Variants in NINL observed in about 807,000 individuals in gnomAD.
The protein encoded by NINL is ninein like.
NINL carries 153 observed loss-of-function variants against 160.3 expected under a neutral mutation model. The ratio of observed to expected loss-of-function variants is 0.95; its 90% CI spans 0.84 to 1.09. The LOEUF (loss-of-function observed/expected upper bound fraction) is 1.09. NINL is among the 50% of genes least tolerant of loss of function. The pLI is 0.00. For missense variants in NINL, 1,829 were observed against 1,764.0 expected, an observed-to-expected ratio of 1.04 and a Z score of -0.66; for synonymous variants, 800 against 734.8, an observed-to-expected ratio of 1.09 and a Z score of -1.43.
At chr20:25,577,820 ATTTTC>A (rs1356387055) in intron 1 of NINL, among the ~76,000 whole-genome samples, 9 of 135,652 alleles carry the variant, frequency 6.6e-5, no homozygotes, top group African/African-American at 1.9e-4. Flanking sequence ...TTTCTGAAAT[ATTTTC>A]TTTTCTTTTC....
intron 10 of NINL, among the ~76,000 whole-genome samples, chr20:25,494,609 C>T (rs772576856): frequency 6.6e-6 from 1 of 152,196 alleles, no homozygotes; most frequent in Non-Finnish European, 1.5e-5. Flanking sequence ...GAGGTGCAGG[C>T]GAACAGAGGC....
chr20:25,498,234 T>C lies in NINL; in HGVS notation c.1145A>G (p.Tyr382Cys). Reference protein sequence around the residue: ...SAVQQAALACYHQELSYQQGQ... With the variant: ...SAVQQAALACCHQELSYQQGQ... ...CTGCTGGTAGCTCAGCTCCTGGTGGTAGCAGGCCAGGGCTGCCTGCTGGAC... is the reference window on the plus strand; with the variant it reads ...CTGCTGGTAGCTCAGCTCCTGGTGGCAGCAGGCCAGGGCTGCCTGCTGGAC... Residue 382 changes from tyrosine (Y) to cysteine (C), a missense_variant, in exon 9 of 24, where the codon TAC becomes TGC. Physicochemically the swap from Tyr to Cys is radical, Grantham distance 194. Transcript: ENST00000278886. 1.2e-6 allele frequency: 2 copies of C among 1,612,990 alleles called. No individual in the cohort carries two copies. Among genetic ancestry groups the C allele is most frequent in the Non-Finnish European group, 8.5e-7 (1 of 1,179,992 alleles).
chr20:25,562,070 A>T, intron 1 of NINL, among the ~76,000 whole-genome samples: 1 of 131,666 alleles, frequency 7.6e-6, no homozygotes, highest in Non-Finnish European at 1.6e-5. Flanking sequence ...TCCGGGAGGC[A>T]GGTGGGGGGG....
chr20:25,561,026 C>CCCCT (rs2064927902), intron 1 of NINL, among the ~76,000 whole-genome samples: 1 of 62,368 alleles, frequency 1.6e-5, no homozygotes, highest in Non-Finnish European at 3.9e-5. Flanking sequence ...GTCTCCCTCT[C>CCCCT]CCTCTCCCCT....
At chr20:25,553,684 G>A (rs1397695884) in intron 1 of NINL, among the ~76,000 whole-genome samples, 6 of 152,148 alleles carry the variant, frequency 3.9e-5, no homozygotes, top group Non-Finnish European at 7.4e-5. Context: ...AACCTGGGTC[G>A]AAAAAGAGTG....
rs777565737 is a variant in NINL at position 25,505,044 on chromosome 20, C to A, written c.552G>T (p.Gly184=). The change falls in exon 6 of 24, where the codon GGG becomes GGT. Residue 184 remains glycine (G), a synonymous_variant. Coordinates refer to ENST00000278886, the MANE Select transcript of NINL (RefSeq NM_025176.6). ...QLQTWDSEDF[G]SPQKSCSPSF... is the part of the protein sequence containing the mutation. The stretch of plus-strand genomic sequence containing the variant: ...AGGGGCTGCAGGACTTCTGGGGGCT[C>A]CCAAAGTCCTCAGAATCCCAGGTCT... 6.2e-7 allele frequency: 1 copy of A among 1,606,406 alleles called. No individual in the cohort carries two copies. The highest frequency in any genetic ancestry group is 8.5e-7 in the Non-Finnish European group (1 of 1,175,702).
chr20:25,507,525 T>C (rs1049399322), intron 5 of NINL, among the ~76,000 whole-genome samples: 11 of 152,202 alleles, frequency 7.2e-5, no homozygotes. Flanking sequence ...GACATGTTCC[T>C]CTATGCCTCA....
In NINL at chr20:25,476,184, T is replaced by C. The variant is rs758570195; in HGVS notation, c.3107A>G (p.Gln1036Arg). 3.7e-6 allele frequency: 6 copies of C among 1,614,180 alleles called. No homozygotes were observed. The highest frequency in any genetic ancestry group is 5.1e-6 in the Non-Finnish European group (6 of 1,180,022). Residue 1036 changes from glutamine (Q) to arginine (R), a missense_variant, in exon 17 of 24, where the codon CAG becomes CGG. Physicochemically the swap from Gln to Arg is conservative, Grantham distance 43 (BLOSUM62 1). Coordinates refer to ENST00000278886, the MANE Select transcript of NINL (RefSeq NM_025176.6). ...CTCTTCTGGGGCAGCAAGCTGCTCC[T>C]GCCAGGAACCCTGCGGGTCTGCGAG... is the stretch of plus-strand genomic sequence containing the variant. ...LQLADPQGSW[Q>R]EQLAAPEEGE... is the part of the protein sequence containing the mutation.
At chr20:25,530,433 C>T (rs920792637) in intron 1 of NINL, among the ~76,000 whole-genome samples, 15 of 152,082 alleles carry the variant, frequency 9.9e-5, no homozygotes, top group African/African-American at 3.1e-4. Context: ...CAGAGAGAGA[C>T]GTTGGGCAAA....
chr20:25,508,701 G>C (rs1247847126), intron 5 of NINL, among the ~76,000 whole-genome samples: 1 of 152,222 alleles, frequency 6.6e-6, no homozygotes, highest in African/African-American at 2.4e-5. Flanking sequence ...AGGGCTCTCG[G>C]CATTCAGCCG....
At chr20:25,558,040 C>G (rs577854188) in intron 1 of NINL, among the ~76,000 whole-genome samples, 1 of 151,270 alleles carries the variant, frequency 6.6e-6, no homozygotes, top group South Asian at 2.1e-4. Context: ...ACTCGGGAGG[C>G]TGAAGCAGAA....
chr20:25,470,288 A>G (rs1054185617), intron 17 of NINL, among the ~76,000 whole-genome samples, 193 bp from the exon 18 acceptor site: 1 of 152,168 alleles, frequency 6.6e-6, no homozygotes, highest in Non-Finnish European at 1.5e-5. Flanking sequence ...GAGCCAAGCC[A>G]CAGAAAACGG....
At chr20:25,477,815 CCT>C (rs909725075) in intron 16 of NINL, among the ~76,000 whole-genome samples, 8 of 152,274 alleles carry the variant, frequency 5.3e-5, no homozygotes, top group African/African-American at 1.9e-4. Flanking sequence ...TGTGCCTGCC[CCT>C]CTGTTCCCAC....
At chr20:25,565,838 A>C (rs906238103) in intron 1 of NINL, among the ~76,000 whole-genome samples, 5 of 152,136 alleles carry the variant, frequency 3.3e-5, no homozygotes, top group Non-Finnish European at 7.3e-5. Flanking sequence ...AGGCAAATCT[A>C]TCTGCTGAGC....
chr20:25,539,582 T>C (rs901426709), intron 1 of NINL, among the ~76,000 whole-genome samples: 9 of 152,216 alleles, frequency 5.9e-5, no homozygotes, highest in African/African-American at 2.2e-4. Context: ...CCGTCCCATG[T>C]ATGTACAGGT....
intron 1 of NINL, among the ~76,000 whole-genome samples, chr20:25,551,178 G>A (rs73597817): frequency 0.14 from 13,273 of 93,966 alleles, 947 homozygotes; most frequent in African/African-American, 0.27. Flanking sequence ...TACAGCACAT[G>A]TTTTCTGGGA....
chr20:25,542,862 C>CT (rs2064686241), intron 1 of NINL, among the ~76,000 whole-genome samples: 1 of 150,730 alleles, frequency 6.6e-6, no homozygotes, highest in African/African-American at 2.4e-5. Context: ...GAAACCCCCC[C>CT]TCTCTACTAA....
At chr20:25,556,862 T>C (rs945013345) in intron 1 of NINL, among the ~76,000 whole-genome samples, 1 of 151,952 alleles carries the variant, frequency 6.6e-6, no homozygotes, top group African/African-American at 2.4e-5. Flanking sequence ...ATAAAAATGA[T>C]AAACTTTGGA....
chr20:25,544,491 G>A (rs892246045), intron 1 of NINL, among the ~76,000 whole-genome samples: 1 of 152,192 alleles, frequency 6.6e-6, no homozygotes, highest in Non-Finnish European at 1.5e-5. Flanking sequence ...TATGCTGAAA[G>A]GCCGCTATGG....
Sources: gnomAD v4.1 joint callset for allele counts (sites outside exome capture counted in the v4.1 genomes callset) on GRCh38, gnomAD v4.1.1 for gene constraint, MANE v1.5 for transcripts, NCBI Gene and HGNC (gene_info 2026-07-23, HGNC 2026-07-21) for gene names.